Variants in RAB3GAP2 observed in about 807,000 individuals in gnomAD.
RAB3GAP2 encodes RAB3 GTPase activating non-catalytic protein subunit 2, also known as rab3 GTPase-activating protein non-catalytic subunit.
In RAB3GAP2, 87 loss-of-function variants were observed where a neutral mutation model predicts 185.3. The ratio of observed to expected loss-of-function variants is 0.47; its 90% CI spans 0.39 to 0.56. The LOEUF (loss-of-function observed/expected upper bound fraction) is 0.56. Among genes scored for constraint, RAB3GAP2 ranks in the 20% least tolerant of loss-of-function variants. RAB3GAP2 has a pLI of 0.00. For missense variants in RAB3GAP2, 1,492 were observed against 1,638.2 expected (o/e 0.91, Z 1.54); for synonymous variants, 554 against 576.1 (o/e 0.96, Z 0.55).
chr1:220,258,763 AG>A (rs1350452674), intron 1 of RAB3GAP2, among the ~76,000 whole-genome samples: 3 of 152,172 alleles, frequency 2.0e-5, no homozygotes, highest in Non-Finnish European at 2.9e-5. Context: ...AAAGAAATAG[AG>A]GGTTCTCAAA....
At chr1:220,159,283 C>T in intron 29 of RAB3GAP2, 103 bp downstream of exon 29, 1 of 956,980 alleles carries the variant, frequency 1.0e-6, no homozygotes, top group African/African-American at 1.6e-5. Context: ...TCTGATACGT[C>T]ATCACAATGA....
rs1267987913 is a variant in RAB3GAP2 at position 220,151,320 on chromosome 1, T to C, written c.4113A>G (p.Lys1371=). 8 of 1,613,970 alleles carry C rather than the reference T, an allele frequency of 5.0e-6. No homozygotes were observed. The Admixed American group carries it at 1.3e-4, about 27-fold the overall frequency. Residue 1371 remains lysine, a synonymous_variant, in exon 35 of 35, where the codon AAA becomes AAG. Transcript: ENST00000358951. ...GTAAGGCTAGACCATATTGCCCATGTTTTTCTGGTAAAAGCTCAATTACTT... is the reference window on the plus strand; with the variant it reads ...GTAAGGCTAGACCATATTGCCCATGCTTTTCTGGTAAAAGCTCAATTACTT... ...VNKVIELLPE[K]HGQYGLALHL...
rs1657743819 is a variant in RAB3GAP2 at position 220,151,106 on chromosome 1, A to T, written c.*145T>A. The stretch of plus-strand genomic sequence containing the variant: ...AATTTAGCCAGGGTTGCACTTTTTA[A>T]AAGTTGTATATACTTTTATTTATTT... On this transcript the variant is annotated 3_prime_UTR_variant, in exon 35 of 35. Coordinates refer to ENST00000358951, the MANE Select transcript of RAB3GAP2 (RefSeq NM_012414.4). The T allele has an allele frequency of 1.2e-6, 1 of 829,126 alleles. No individual in the cohort carries two copies. The highest frequency in any genetic ancestry group is 1.7e-5 in the African/African-American group (1 of 58,002). 51.4% of individuals were successfully genotyped at this position (829,126 alleles called of 1,614,324 possible).
intron 14 of RAB3GAP2, 132 bp from the exon 15 acceptor site, chr1:220,190,652 T>C: frequency 2.3e-6 from 2 of 877,790 alleles, no homozygotes; most frequent in Non-Finnish European, 3.6e-6. Context: ...TAAATACTGA[T>C]AGCAAGTACA....
intron 7 of RAB3GAP2, among the ~76,000 whole-genome samples, chr1:220,208,518 T>C (rs1420429218): frequency 6.6e-6 from 1 of 152,154 alleles, no homozygotes; most frequent in African/African-American, 2.4e-5. Flanking sequence ...ATCAGTAACT[T>C]GATTTTATTT....
chr1:220,253,330 CT>C (rs1205085594), intron 1 of RAB3GAP2, among the ~76,000 whole-genome samples: 1 of 152,202 alleles, frequency 6.6e-6, no homozygotes, highest in Non-Finnish European at 1.5e-5. Flanking sequence ...GTTTTGTGGC[CT>C]TCACTGGTGA....
intron 1 of RAB3GAP2, among the ~76,000 whole-genome samples, chr1:220,257,353 G>T (rs1440982664): frequency 6.6e-6 from 1 of 151,786 alleles, no homozygotes; most frequent in African/African-American, 2.4e-5. Flanking sequence ...ACTTCAGCCT[G>T]GGTGACAGAG....
At chr1:220,204,050 G>A (rs1002273508) in intron 8 of RAB3GAP2, among the ~76,000 whole-genome samples, 1 of 152,100 alleles carries the variant, frequency 6.6e-6, no homozygotes, top group East Asian at 1.9e-4. Flanking sequence ...AGACTTAGTG[G>A]CCCCAAAACA....
intron 1 of RAB3GAP2, among the ~76,000 whole-genome samples, chr1:220,239,989 TAA>T (rs146214516): frequency 0.021 from 2,897 of 134,912 alleles, 67 homozygotes; most frequent in African/African-American, 0.065. Context: ...TTTTGAAGAT[TAA>T]AAAAAAAAAA....
At chr1:220,240,304 C>G (rs1558166860) in intron 1 of RAB3GAP2, among the ~76,000 whole-genome samples, 1 of 152,164 alleles carries the variant, frequency 6.6e-6, no homozygotes, top group Non-Finnish European at 1.5e-5. Flanking sequence ...TGTAACTGAG[C>G]TTTCTCAGCT....
At chr1:220,173,104 G>A (rs1201493278) in intron 21 of RAB3GAP2, among the ~76,000 whole-genome samples, 1 of 152,194 alleles carries the variant, frequency 6.6e-6, no homozygotes, top group Non-Finnish European at 1.5e-5. Flanking sequence ...GGTTTTGACT[G>A]GAGAGAGAGG....
intron 1 of RAB3GAP2, among the ~76,000 whole-genome samples, chr1:220,253,132 C>G (rs1659969592): frequency 6.6e-6 from 1 of 152,342 alleles, no homozygotes; most frequent in South Asian, 2.1e-4. Flanking sequence ...CAATGAAGAA[C>G]AGCTGCCTTG....
rs371221673 is a variant in RAB3GAP2, at chr1:220,151,699, C to G, written c.3933G>C (p.Arg1311Ser). 3 of 1,611,820 alleles carry G rather than the reference C, an allele frequency of 1.9e-6. No individual in the cohort carries two copies. Among genetic ancestry groups the G allele is most frequent in the Non-Finnish European group, 2.5e-6 (3 of 1,178,026 alleles). ...GGGTGTGGAGAAGCGCATGAGCCAGCCTTTGCCCCGTGAGCACCAGCAGCT... is the reference window on the plus strand; with the variant it reads ...GGGTGTGGAGAAGCGCATGAGCCAGGCTTTGCCCCGTGAGCACCAGCAGCT... ...ASQLLVLTGQ[R>S]LAHALLHTQT... Residue 1311 changes from arginine (R) to serine (S), a missense_variant, in exon 34 of 35, where the codon AGG (arginine) becomes AGC (serine). By Grantham distance (110) the Arg-to-Ser change is moderately radical. This residue lies in a region of RAB3GAP2 where 387 missense variants were observed against 455.3 expected (regional missense o/e 0.85). Coordinates refer to ENST00000358951, the MANE Select transcript of RAB3GAP2 (RefSeq NM_012414.4).
chr1:220,193,517 T>A, intron 12 of RAB3GAP2, 138 bp from the exon 13 acceptor site: 1 of 821,926 alleles, frequency 1.2e-6, no homozygotes, highest in East Asian at 2.7e-5. Context: ...GATTAATAGT[T>A]AATTTATTAA....
intron 1 of RAB3GAP2, chr1:220,254,370 T>C: frequency 6.2e-7 from 1 of 1,613,318 alleles, no homozygotes. Flanking sequence ...TGAGATTATT[T>C]GTACGAATTG....
chr1:220,220,872 A>G (rs1659293655), intron 2 of RAB3GAP2, among the ~76,000 whole-genome samples: 1 of 152,184 alleles, frequency 6.6e-6, no homozygotes, highest in Admixed American at 6.5e-5. Flanking sequence ...GTGGAAGTGT[A>G]AGTCCAATAA....
In RAB3GAP2 at chr1:220,254,484, G is replaced by A. The variant is rs568697718; in HGVS notation, c.115+17739C>T. 5 of 1,613,542 alleles carry A rather than the reference G, an allele frequency of 3.1e-6. No individual in the cohort carries two copies. The East Asian group carries it at 8.9e-5, about 29-fold the overall frequency. Reference sequence around the variant, plus strand: ...ACCTGGCAAAGAATTCTGCAACTTTGTTTAGTGCCAGCGATTATGAAGTGG... The same window carrying A: ...ACCTGGCAAAGAATTCTGCAACTTTATTTAGTGCCAGCGATTATGAAGTGG... On this transcript the variant is annotated intron_variant, in intron 1 of 34. Transcript: ENST00000358951.
chr1:220,160,964 C>T (rs1336816816), intron 28 of RAB3GAP2, among the ~76,000 whole-genome samples: 1 of 152,176 alleles, frequency 6.6e-6, no homozygotes, highest in Non-Finnish European at 1.5e-5. Flanking sequence ...CACAAATTTC[C>T]TACTTCCTGG....
At chr1:220,246,218 A>G (rs1479456397) in intron 1 of RAB3GAP2, among the ~76,000 whole-genome samples, 1 of 152,232 alleles carries the variant, frequency 6.6e-6, no homozygotes, top group Admixed American at 6.5e-5. Context: ...AATCAAAACC[A>G]CAATGAGATA....
Sources: gnomAD v4.1 joint callset for allele counts (sites outside exome capture counted in the v4.1 genomes callset) on GRCh38, gnomAD v4.1.1 for gene constraint, gnomAD v4.1.1 regional missense constraint, MANE v1.5 for transcripts, NCBI Gene and HGNC (gene_info 2026-07-23, HGNC 2026-07-21) for gene names.